CHD7: variants seen among roughly 807,000 people sequenced by gnomAD.
The protein encoded by CHD7 is chromodomain helicase DNA binding protein 7.
A neutral mutation model predicts 307.3 loss-of-function variants in CHD7; 24 were observed. The ratio of observed to expected loss-of-function variants is 0.08; its 90% CI spans 0.06 to 0.11. The LOEUF is 0.11. CHD7 is among the 10% of genes least tolerant of loss of function. The pLI is 1.00. For synonymous variants in CHD7, 1,363 were observed against 1,349.9 expected (o/e 1.01, Z -0.21); for missense variants, 3,106 against 3,727.1 (o/e 0.83, Z 4.34).
At chr8:60,817,870 G>C (rs924963516) in intron 8 of CHD7, among the ~76,000 whole-genome samples, 1 of 152,138 alleles carries the variant, frequency 6.6e-6, no homozygotes, top group Non-Finnish European at 1.5e-5. Flanking sequence ...TGTGGGCCAG[G>C]GGGAGGGAGA....
chr8:60,795,571 C>G (rs1222420670), intron 4 of CHD7, among the ~76,000 whole-genome samples: 2 of 152,122 alleles, frequency 1.3e-5, no homozygotes, highest in African/African-American at 4.8e-5. Flanking sequence ...ATCTGGCACT[C>G]AAAGTTGAGA....
At chr8:60,689,076 C>T (rs547115213) in intron 1 of CHD7, among the ~76,000 whole-genome samples, 1 of 152,282 alleles carries the variant, frequency 6.6e-6, no homozygotes, top group East Asian at 1.9e-4. Context: ...CACTGCTACC[C>T]AGATTGGCAG....
In CHD7 at chr8:60,829,435, T is replaced by TA. The variant is rs1400598951; in HGVS notation, c.3522+637dup. Among the ~76,000 whole-genome samples, 8 of 151,826 alleles carry TA rather than the reference T, an allele frequency of 5.3e-5. No individual in the cohort carries two copies. In the East Asian group the frequency reaches 7.7e-4, roughly 15 times the overall value. ...CAATATGGTGAAAACCCATCTCTAC[T>TA]AAAAAAAATACAAAAATTAGCCGGG... On this transcript the variant is annotated intron_variant, in intron 14 of 37. Coordinates refer to ENST00000423902, the MANE Select transcript of CHD7 (RefSeq NM_017780.4).
intron 15 of CHD7, among the ~76,000 whole-genome samples, chr8:60,831,157 T>C (rs1222526489): frequency 3.3e-5 from 5 of 152,212 alleles, no homozygotes; most frequent in African/African-American, 9.6e-5. Flanking sequence ...TATGTATTTT[T>C]GGAAATCATT....
chr8:60,793,800 A>C (rs1007091164), intron 3 of CHD7, among the ~76,000 whole-genome samples: 1 of 152,166 alleles, frequency 6.6e-6, no homozygotes, highest in African/African-American at 2.4e-5. Context: ...TCAGTGTTGG[A>C]TAACAAATAG....
At chr8:60,708,037 C>T (rs925719388) in intron 1 of CHD7, among the ~76,000 whole-genome samples, 30 of 152,308 alleles carry the variant, frequency 2.0e-4, no homozygotes, top group African/African-American at 7.2e-4. Context: ...AAAGAATCTA[C>T]TATAACCAGA....
chr8:60,795,187 G>A, intron 4 of CHD7, 60 bp downstream of exon 4: 2 of 1,544,122 alleles, frequency 1.3e-6, no homozygotes, highest in East Asian at 2.3e-5. Flanking sequence ...CTTTAGCCAT[G>A]TATGAAGTAC....
At chr8:60,775,011 T>G (rs2150654986) in intron 2 of CHD7, among the ~76,000 whole-genome samples, 1 of 152,220 alleles carries the variant, frequency 6.6e-6, no homozygotes, top group East Asian at 1.9e-4. Flanking sequence ...TTGTTTCAGA[T>G]GCTACTAATT....
At chr8:60,710,046 A>G (rs1174385951) in intron 1 of CHD7, among the ~76,000 whole-genome samples, 1 of 150,282 alleles carries the variant, frequency 6.7e-6, no homozygotes, top group Non-Finnish European at 1.5e-5. Flanking sequence ...AATCCACTCC[A>G]TTTTGGGGGA....
rs566085835 is a variant in CHD7, at chr8:60,741,806, T to C, written c.374T>C (p.Val125Ala). Reference protein sequence around the residue: ...HGGSGGGQMGVYPGMQNERHG... With the variant: ...HGGSGGGQMGAYPGMQNERHG... Reference sequence around the variant, plus strand: ...GGCAGTGGTGGCGGTCAGATGGGTGTCTACCCTGGCATGCAGAATGAGAGG... The same window carrying C: ...GGCAGTGGTGGCGGTCAGATGGGTGCCTACCCTGGCATGCAGAATGAGAGG... Residue 125 changes from valine (V) to alanine (A), a missense_variant, in exon 2 of 38, where the codon GTC (valine) becomes GCC (alanine). Coordinates refer to ENST00000423902, the MANE Select transcript of CHD7 (RefSeq NM_017780.4). 1 of 1,613,866 alleles carries C rather than the reference T, an allele frequency of 6.2e-7. No individual in the cohort carries two copies. The highest frequency in any genetic ancestry group is 1.3e-5 in the African/African-American group (1 of 75,002).
intron 1 of CHD7, among the ~76,000 whole-genome samples, chr8:60,726,823 A>G (rs918348192): frequency 6.6e-6 from 1 of 152,144 alleles, no homozygotes. Flanking sequence ...AAGCACATCC[A>G]CTGCTGATTT....
rs546912532 is a variant in CHD7, at chr8:60,850,350, A to G, written c.5405-143A>G. 1.6e-5 allele frequency: 16 copies of G among 1,011,538 alleles called. No individual in the cohort carries two copies. The South Asian group carries it at 3.1e-4, about 20-fold the overall frequency. The allele number at this position is 1,011,538 out of a possible 1,614,324, so 62.7% of individuals were successfully genotyped here. A position where few individuals can be genotyped will look rare whatever the true frequency, so the allele number is the denominator to read the frequency against. ...GGAGCGTTCCATAGAATGATCTACTAAAACAAGGTCCACTTGGATTCAACA... is the reference window on the plus strand; with the variant it reads ...GGAGCGTTCCATAGAATGATCTACTGAAACAAGGTCCACTTGGATTCAACA... On this transcript the variant is annotated intron_variant, in intron 25 of 37. Coordinates refer to ENST00000423902, the MANE Select transcript of CHD7 (RefSeq NM_017780.4).
chr8:60,838,114 A>G lies in CHD7; in HGVS notation c.4392A>G (p.Leu1464=), dbSNP rs1280225379. The G allele has an allele frequency of 1.3e-6, 2 of 1,533,410 alleles. No individual in the cohort carries two copies. The highest frequency in any genetic ancestry group is 1.8e-6 in the Non-Finnish European group (2 of 1,140,162). 95.0% of individuals were successfully genotyped at this position (1,533,410 alleles called of 1,614,324 possible). Residue 1464 remains leucine, a synonymous_variant, in exon 19 of 38, where the codon CTA becomes CTG. Coordinates refer to ENST00000423902, the MANE Select transcript of CHD7 (RefSeq NM_017780.4). ...CCAAGAAAGAAATAGAGGATCTTCTACGAAAAGGGGCCTATGGTGCACTCA... is the reference window on the plus strand; with the variant it reads ...CCAAGAAAGAAATAGAGGATCTTCTGCGAAAAGGGGCCTATGGTGCACTCA... ...QLSKKEIEDL[L]RKGAYGALMD... is the part of the protein sequence containing the mutation.
intron 1 of CHD7, among the ~76,000 whole-genome samples, chr8:60,721,180 A>G (rs1262184840): frequency 1.3e-5 from 2 of 152,192 alleles, no homozygotes; most frequent in African/African-American, 4.8e-5. Context: ...CCCCAAGGCA[A>G]TTGTATTTGG....
intron 15 of CHD7, among the ~76,000 whole-genome samples, chr8:60,835,624 A>G (rs1304184698): frequency 6.6e-6 from 1 of 152,164 alleles, no homozygotes; most frequent in African/African-American, 2.4e-5. Flanking sequence ...TTACGCTGTA[A>G]TTGTTAGGAC....
chr8:60,852,716 T>C lies in CHD7; in HGVS notation c.6103+10T>C. 2 of 1,613,780 alleles carry C rather than the reference T, an allele frequency of 1.2e-6. No homozygotes were observed. ...GTCAAGCCAGATGATGGTAGGTACA[T>C]TTAGCAACAAAGTTCTATACAAAAA... is the stretch of plus-strand genomic sequence containing the variant. On this transcript the variant is annotated intron_variant, in intron 30 of 37. Coordinates refer to ENST00000423902, the MANE Select transcript of CHD7 (RefSeq NM_017780.4).
chr8:60,865,925 G>T lies in CHD7; in HGVS notation c.8986G>T (p.Asp2996Tyr). ...GGDEIENNENDE is the reference protein window; with the variant it reads ...GGDEIENNENYE Reference sequence around the variant, plus strand: ...GGATGAAATAGAAAACAATGAAAATGATGAATAACCAGTACCAGTTCCAGT... The same window carrying T: ...GGATGAAATAGAAAACAATGAAAATTATGAATAACCAGTACCAGTTCCAGT... Residue 2996 changes from aspartate (D) to tyrosine (Y), a missense_variant, in exon 38 of 38, where the codon GAT (aspartate) becomes TAT (tyrosine). Around this residue, in one of 10 missense-constraint regions of CHD7, gnomAD observed 351 missense variants for 366.2 expected, o/e 0.96. Transcript: ENST00000423902. This position sits in a 1 kb window ranked among gnomAD's most constrained non-coding sequence, Gnocchi z 4.3. 1 of 1,598,972 alleles carries T rather than the reference G, an allele frequency of 6.3e-7. No individual in the cohort carries two copies. Among genetic ancestry groups the T allele is most frequent in the Non-Finnish European group, 8.5e-7 (1 of 1,172,550 alleles).
intron 1 of CHD7, among the ~76,000 whole-genome samples, chr8:60,720,542 T>G (rs530982424): frequency 6.6e-6 from 1 of 152,340 alleles, no homozygotes; most frequent in African/African-American, 2.4e-5. Context: ...CTTCGTTTCC[T>G]TAAAGCCTGT....
At position 60,822,621 on chromosome 8, in the gene CHD7, T is replaced by C; in HGVS notation, c.3076T>C (p.Ser1026Pro). 1 of 1,613,938 alleles carries C rather than the reference T, an allele frequency of 6.2e-7. No homozygotes were observed. The change falls in exon 12 of 38, where the codon TCC (serine) becomes CCC (proline). Residue 1026 changes from serine (S) to proline (P), a missense_variant. Around this residue, in one of 10 missense-constraint regions of CHD7, gnomAD observed 232 missense variants for 422.5 expected, o/e 0.55. Coordinates refer to ENST00000423902, the MANE Select transcript of CHD7 (RefSeq NM_017780.4). Reference sequence around the variant, plus strand: ...CCCTTTTTTAGTAATTGCCCCATTGTCCACAATCCCCAACTGGGAAAGGGA... The same window carrying C: ...CCCTTTTTTAGTAATTGCCCCATTGCCCACAATCCCCAACTGGGAAAGGGA... ...HGPFLVIAPL[S>P]TIPNWEREFR...
Sources: gnomAD v4.1 joint callset for allele counts (sites outside exome capture counted in the v4.1 genomes callset) on GRCh38, gnomAD v4.1.1 for gene constraint, gnomAD v4.1.1 regional missense constraint, Gnocchi (gnomAD v3.1) non-coding constraint, MANE v1.5 for transcripts, NCBI Gene and HGNC (gene_info 2026-07-23, HGNC 2026-07-21) for gene names.